Variants in ARPC3 observed in about 807,000 individuals in gnomAD.
The protein encoded by ARPC3 is actin-related protein 2/3 complex subunit 3.
A neutral mutation model predicts 27.6 loss-of-function variants in ARPC3; 12 were observed. The ratio of observed to expected loss-of-function variants is 0.43; its 90% CI spans 0.28 to 0.70. ARPC3 has a LOEUF of 0.70. Among genes scored for constraint, ARPC3 ranks in the 30% least tolerant of loss-of-function variants. ARPC3 has a pLI of 0.17. For synonymous variants in ARPC3, 53 were observed against 67.2 expected (o/e 0.79, Z 1.03); for missense variants, 153 against 207.7 (o/e 0.74, Z 1.62).
At chr12:110,441,924 C>T (rs978788735) in intron 2 of ARPC3, among the ~76,000 whole-genome samples, 5 of 151,010 alleles carry the variant, frequency 3.3e-5, no homozygotes, top group East Asian at 2.0e-4. Flanking sequence ...CCCAGCTATT[C>T]GGGAGGCTAA....
At chr12:110,442,429 G>A (rs1053431371) in intron 2 of ARPC3, among the ~76,000 whole-genome samples, 6 of 152,030 alleles carry the variant, frequency 3.9e-5, no homozygotes, top group Admixed American at 2.0e-4. Context: ...CCAACATGGA[G>A]AAACCCTGTC....
At chr12:110,436,421 C>T in intron 5 of ARPC3, 136 bp downstream of exon 5, 1 of 1,444,148 alleles carries the variant, frequency 6.9e-7, no homozygotes, top group African/African-American at 1.4e-5. Context: ...GTGAGAGTGA[C>T]TAATAAGATA....
intron 4 of ARPC3, 45 bp from the exon 5 acceptor site, chr12:110,436,728 A>G (rs761593046): frequency 2.9e-6 from 3 of 1,043,726 alleles, no homozygotes; most frequent in Non-Finnish European, 4.2e-6. Flanking sequence ...ACACACACAC[A>G]CACACACACA....
At chr12:110,441,805 T>A (rs543263665) in intron 2 of ARPC3, among the ~76,000 whole-genome samples, 1 of 151,702 alleles carries the variant, frequency 6.6e-6, no homozygotes, top group Admixed American at 6.6e-5. Flanking sequence ...CCGAGACGGG[T>A]GGATCACCTG....
chr12:110,437,376 T>G (rs1264737698), intron 3 of ARPC3: 8 of 446,716 alleles, frequency 1.8e-5, no homozygotes, highest in Non-Finnish European at 2.9e-5. Context: ...TGCAGCTGCT[T>G]TTTTTTTTTG....
intron 5 of ARPC3, 114 bp downstream of exon 5, chr12:110,436,441 CTA>C (rs1480491788): frequency 6.6e-7 from 1 of 1,514,948 alleles, no homozygotes; most frequent in East Asian, 2.3e-5. Flanking sequence ...AATGTACTTC[CTA>C]TGATTTCACT....
At chr12:110,441,713 A>G (rs1426525607) in intron 2 of ARPC3, among the ~76,000 whole-genome samples, 1 of 151,910 alleles carries the variant, frequency 6.6e-6, no homozygotes, top group Non-Finnish European at 1.5e-5. Context: ...TTCTTTAAAA[A>G]TTAAATAAAA....
chr12:110,449,276 G>C (rs1225283337), intron 1 of ARPC3, among the ~76,000 whole-genome samples: 1 of 152,020 alleles, frequency 6.6e-6, no homozygotes, highest in East Asian at 1.9e-4. Flanking sequence ...AATAATGTGT[G>C]AGCAGGCTGG....
rs760093455 is a variant in ARPC3, at chr12:110,435,164, A to C, written c.528T>G (p.Pro176=). ...RQFMNKSLSG[P]GQ Reference sequence around the variant, plus strand: ...GCTGCCCGGGCTCCCTTCACTGTCCAGGTCCTGAAAGACTCTTGTTCATGA... The same window carrying C: ...GCTGCCCGGGCTCCCTTCACTGTCCCGGTCCTGAAAGACTCTTGTTCATGA... The change falls in exon 7 of 7, where the codon CCT becomes CCG. Residue 176 remains proline, a synonymous_variant. Coordinates refer to ENST00000228825, the MANE Select transcript of ARPC3 (RefSeq NM_001278556.2). 5.3e-5 allele frequency: 85 copies of C among 1,613,804 alleles called. No homozygotes were observed. The Admixed American group carries it at 1.4e-3, about 27-fold the overall frequency.
At chr12:110,441,235 C>T (rs577934956) in intron 2 of ARPC3, among the ~76,000 whole-genome samples, 2 of 148,318 alleles carry the variant, frequency 1.3e-5, no homozygotes, top group South Asian at 2.1e-4. Context: ...CGGGTTCAAG[C>T]GATTCTCCTG....
rs577284980 is a variant in ARPC3, at chr12:110,443,320, G to A, written c.106+2132C>T. 4.6e-5 allele frequency among the ~76,000 whole-genome samples: 7 copies of A among 152,046 alleles called. No individual in the cohort carries two copies. In the East Asian group the frequency reaches 9.7e-4, roughly 21 times the overall value. On this transcript the variant is annotated intron_variant, in intron 2 of 6. Transcript: ENST00000228825. ...TTTTTAGTAGAGATGGGGTTTCACC[G>A]TGTTAGCCAGGATGGTCTCGATCTC... is the stretch of plus-strand genomic sequence containing the variant.
In ARPC3 at chr12:110,445,517, T is replaced by C. The variant is rs1312315801; in HGVS notation, c.41A>G (p.Lys14Arg). 3.7e-6 allele frequency: 6 copies of C among 1,613,670 alleles called. No homozygotes were observed. The highest frequency in any genetic ancestry group is 1.3e-5 in the African/African-American group (1 of 74,906). Residue 14 changes from lysine to arginine, a missense_variant, in exon 2 of 7, where the codon AAA (lysine) becomes AGA (arginine). Lys to Arg is a conservative substitution (Grantham distance 26). Transcript: ENST00000228825. ...YHSSLMDPDT[K>R]LIGNMALLPI... ...CAACAGTGCCATGTTTCCGATGAGT[T>C]TGGTATCAGGATCCATGAGAGAAGA... is the stretch of plus-strand genomic sequence containing the variant.
chr12:110,439,879 T>C (rs992710820), intron 3 of ARPC3, among the ~76,000 whole-genome samples: 2 of 152,164 alleles, frequency 1.3e-5, no homozygotes, highest in Non-Finnish European at 2.9e-5. Flanking sequence ...GCTTAACTAA[T>C]GTTGAATAAA....
chr12:110,445,557 A>C lies in ARPC3; in HGVS notation c.7-6T>G. The C allele has an allele frequency of 6.3e-7, 1 of 1,589,716 alleles. No homozygotes were observed. Among genetic ancestry groups the C allele is most frequent in the Non-Finnish European group, 8.6e-7 (1 of 1,157,826 alleles). On this transcript the variant is annotated splice_region_variant and splice_polypyrimidine_tract_variant and intron_variant, in intron 1 of 6. Transcript: ENST00000228825. ...ATGAGAGAAGAGTGGTAAGCCTGTAATGGCAAGCCCAGGAAGAACACAGAA... is the reference window on the plus strand; with the variant it reads ...ATGAGAGAAGAGTGGTAAGCCTGTACTGGCAAGCCCAGGAAGAACACAGAA...
At chr12:110,447,564 G>A (rs2062472128) in intron 1 of ARPC3, among the ~76,000 whole-genome samples, 1 of 152,154 alleles carries the variant, frequency 6.6e-6, no homozygotes, top group Non-Finnish European at 1.5e-5. Context: ...CACAAGGCCA[G>A]AAGATCGAGA....
At chr12:110,436,709 TATACAC>T (rs755951147) in intron 4 of ARPC3, 26 bp from the exon 5 acceptor site, 911 of 545,156 alleles carry the variant, frequency 1.7e-3, no homozygotes, top group South Asian at 3.8e-3. Flanking sequence ...TATATATATA[TATACAC>T]ACACACACAC....
intron 2 of ARPC3, among the ~76,000 whole-genome samples, chr12:110,442,294 C>T (rs1330168822): frequency 6.6e-6 from 1 of 152,096 alleles, no homozygotes; most frequent in Non-Finnish European, 1.5e-5. Flanking sequence ...CATAGACTAA[C>T]TTTAACTGCT....
In ARPC3 at chr12:110,446,929, C is replaced by T. The variant is rs143470987; in HGVS notation, c.7-1378G>A. Among the ~76,000 whole-genome samples the T allele has an allele frequency of 2.6e-5, 4 of 152,280 alleles. No homozygotes were observed. In the East Asian group the frequency reaches 7.7e-4, roughly 29 times the overall value. ...GCAATAACCTAATTTTTAAAAATTACATTTTACTATTGTCTATGTTCTTAA... is the reference window on the plus strand; with the variant it reads ...GCAATAACCTAATTTTTAAAAATTATATTTTACTATTGTCTATGTTCTTAA... On this transcript the variant is annotated intron_variant, in intron 1 of 6. Coordinates refer to ENST00000228825, the MANE Select transcript of ARPC3 (RefSeq NM_001278556.2).
intron 2 of ARPC3, among the ~76,000 whole-genome samples, chr12:110,441,859 C>T (rs932489387): frequency 6.6e-6 from 1 of 150,884 alleles, no homozygotes. Context: ...GGTGAAACTG[C>T]GCCTCTACTA....
Sources: gnomAD v4.1 joint callset for allele counts (sites outside exome capture counted in the v4.1 genomes callset) on GRCh38, gnomAD v4.1.1 for gene constraint, MANE v1.5 for transcripts, NCBI Gene and HGNC (gene_info 2026-07-23, HGNC 2026-07-21) for gene names.